GRIA3: variants seen among roughly 807,000 people sequenced by gnomAD.
GRIA3 encodes the protein glutamate receptor 3.
In GRIA3, 3 loss-of-function variants were observed where a neutral mutation model predicts 63.0. The observed-to-expected ratio is 0.05, with a 90% CI of 0.02 to 0.12. The LOEUF is 0.12. Ranked by LOEUF, GRIA3 falls within the 10% of genes least tolerant of loss-of-function variation. The pLI is 1.00. For synonymous variants in GRIA3, 274 were observed against 257.9 expected, an observed-to-expected ratio of 1.06 and a Z score of -0.60; for missense variants, 347 against 700.9, an observed-to-expected ratio of 0.50 and a Z score of 5.70.
intron 4 of GRIA3, among the ~76,000 whole-genome samples, chrX:123,346,473 G>T (rs1479722182): frequency 9.0e-6 from 1 of 111,710 alleles, no homozygotes; most frequent in Non-Finnish European, 1.9e-5. Context: ...AAAGAGCAAG[G>T]CTCTTCTGAA....
chrX:123,200,090 G>A (rs1927686411), intron 2 of GRIA3, among the ~76,000 whole-genome samples: 1 of 111,071 alleles, frequency 9.0e-6, no homozygotes, highest in Non-Finnish European at 1.9e-5. Context: ...GCAGAAAACT[G>A]TACTAAAGTA....
At chrX:123,262,193 GTT>G (rs1440097257) in intron 3 of GRIA3, among the ~76,000 whole-genome samples, 1 of 111,790 alleles carries the variant, frequency 8.9e-6, no homozygotes, top group Non-Finnish European at 1.9e-5. Flanking sequence ...TGTTGTGAGA[GTT>G]TAACAAGATA....
chrX:123,484,725 C>T (rs991740973), intron 15 of GRIA3, among the ~76,000 whole-genome samples: 2 of 112,351 alleles, frequency 1.8e-5, no homozygotes, highest in East Asian at 2.8e-4. Context: ...TCAAGTGATC[C>T]GCCTGCGTCA....
chrX:123,266,306 C>G (rs976612736), intron 3 of GRIA3, among the ~76,000 whole-genome samples: 1 of 111,374 alleles, frequency 9.0e-6, no homozygotes. Flanking sequence ...TATCTTGATG[C>G]CCTACCTGGA....
At chrX:123,459,844 G>A (rs1290734081) in intron 12 of GRIA3, among the ~76,000 whole-genome samples, 1 of 109,013 alleles carries the variant, frequency 9.2e-6, no homozygotes, top group African/African-American at 3.3e-5. Context: ...AAGAAAAAAA[G>A]AGGAAATGCT....
chrX:123,405,023 T>TA, intron 10 of GRIA3, 109 bp downstream of exon 10: 1 of 615,034 alleles, frequency 1.6e-6, no homozygotes, highest in Non-Finnish European at 2.8e-6. Context: ...ATAGTTTACA[T>TA]ATAGTCTACA....
chrX:123,376,876 C>T (rs201445136), intron 5 of GRIA3, among the ~76,000 whole-genome samples: 1 of 43,709 alleles, frequency 2.3e-5, no homozygotes, highest in African/African-American at 8.1e-5. Flanking sequence ...TGCCCTTTTA[C>T]AAACTTTGTC....
chrX:123,342,301 A>C (rs1479368332), intron 4 of GRIA3, among the ~76,000 whole-genome samples: 1 of 112,082 alleles, frequency 8.9e-6, no homozygotes, highest in Non-Finnish European at 1.9e-5. Context: ...TCTGGGACTA[A>C]TTATAGCGAT....
chrX:123,228,105 G>A (rs1160440208), intron 2 of GRIA3, among the ~76,000 whole-genome samples: 7 of 112,061 alleles, frequency 6.2e-5, no homozygotes, highest in African/African-American at 2.3e-4. Context: ...GGAAATTATC[G>A]TAATAGCATG....
intron 10 of GRIA3, among the ~76,000 whole-genome samples, chrX:123,408,773 G>A (rs1165268823): frequency 1.8e-5 from 2 of 111,923 alleles, no homozygotes; most frequent in African/African-American, 3.2e-5. Context: ...ATGCTTTCTG[G>A]GCTTATAACA....
intron 12 of GRIA3, among the ~76,000 whole-genome samples, chrX:123,438,170 C>T: frequency 8.9e-6 from 1 of 111,902 alleles, no homozygotes; most frequent in Middle Eastern, 4.6e-3. Flanking sequence ...CTCCCAGGTC[C>T]TGGAAACTTC....
At chrX:123,434,385 T>C (rs1333217251) in intron 12 of GRIA3, among the ~76,000 whole-genome samples, 2 of 111,814 alleles carry the variant, frequency 1.8e-5, no homozygotes, top group Non-Finnish European at 3.8e-5. Context: ...ACACATATAA[T>C]GTGACCAAAT....
chrX:123,210,008 GGTTT>G (rs990952227), intron 2 of GRIA3, among the ~76,000 whole-genome samples: 2 of 109,650 alleles, frequency 1.8e-5, no homozygotes, highest in African/African-American at 6.6e-5. Flanking sequence ...TTTGTTGGTT[GGTTT>G]GTTTTTCTCT....
intron 5 of GRIA3, among the ~76,000 whole-genome samples, chrX:123,392,535 G>T (rs73630707): frequency 0.033 from 3,654 of 111,292 alleles, 115 homozygotes; most frequent in African/African-American, 0.11. Context: ...AGCCCATGTG[G>T]GTTGAGGGCT....
At chrX:123,185,526 A>C (rs755596279) in intron 1 of GRIA3, among the ~76,000 whole-genome samples, 1 of 107,509 alleles carries the variant, frequency 9.3e-6, no homozygotes, top group Non-Finnish European at 1.9e-5. Flanking sequence ...GGCGACTAAA[A>C]AAAAAGAAGG....
intron 2 of GRIA3, 70 bp downstream of exon 2, chrX:123,186,060 G>C (rs1927265144): frequency 1.1e-6 from 1 of 910,521 alleles, no homozygotes; most frequent in South Asian, 2.0e-5. Flanking sequence ...GTGGCACTTA[G>C]GGTCTGTGTA....
chrX:123,417,795 T>TTGAGTATGCC lies in GRIA3; in HGVS notation c.1877+17_1877+18insTGAGTATGCC. Reference sequence around the variant, plus strand: ...TTCTCCAAGGTTTGTTTTTGTGGCATACTCAATGCCTCATTGCATTTTATG... The same window carrying TTGAGTATGCC: ...TTCTCCAAGGTTTGTTTTTGTGGCATTGAGTATGCCACTCAATGCCTCATTGCATTTTATG... On this transcript the variant is annotated intron_variant, in intron 11 of 15. Coordinates refer to ENST00000620443, the MANE Select transcript of GRIA3 (RefSeq NM_007325.5). 8.6e-7 allele frequency: 1 copy of TTGAGTATGCC among 1,167,838 alleles called. No homozygotes were observed. Among genetic ancestry groups the TTGAGTATGCC allele is most frequent in the Non-Finnish European group, 1.2e-6 (1 of 863,137 alleles).
At chrX:123,216,306 T>C (rs1171856142) in intron 2 of GRIA3, among the ~76,000 whole-genome samples, 1 of 112,375 alleles carries the variant, frequency 8.9e-6, no homozygotes, top group African/African-American at 3.2e-5. Flanking sequence ...GGAATGTTAC[T>C]TTAACATTTC....
At chrX:123,474,163 C>T (rs182217898) in intron 13 of GRIA3, among the ~76,000 whole-genome samples, 19 of 111,426 alleles carry the variant, frequency 1.7e-4, no homozygotes, top group African/African-American at 5.9e-4. Context: ...ACAGAATCAA[C>T]TTGGTAATTA....
Sources: allele counts gnomAD v4.1 joint callset (sites outside exome capture counted in the v4.1 genomes callset), GRCh38; gene constraint gnomAD v4.1.1; transcripts MANE v1.5; gene names NCBI Gene and HGNC (gene_info 2026-07-23, HGNC 2026-07-21).